Variants in FGF12 observed in about 807,000 individuals in gnomAD.
FGF12 encodes the protein fibroblast growth factor 12B.
A neutral mutation model predicts 23.6 loss-of-function variants in FGF12; 14 were observed. That is an observed-to-expected ratio of 0.59 (90% CI 0.39 to 0.93). The LOEUF (loss-of-function observed/expected upper bound fraction) is 0.93, where lower values mean the gene tolerates loss of function less well. FGF12 is among the 40% of genes least tolerant of loss of function. The pLI is 0.00. For missense variants in FGF12, 175 were observed against 217.8 expected (o/e 0.80, Z 1.24); for synonymous variants, 62 against 77.3 (o/e 0.80, Z 1.04).
At position 192,718,166 on chromosome 3, in the gene FGF12, T is replaced by C. The variant is rs868040045; in HGVS notation, c.13+9015A>G. Among the ~76,000 whole-genome samples, 507 of 145,676 alleles carry C rather than the reference T, an allele frequency of 3.5e-3. 2 individuals carry two copies. Among genetic ancestry groups the C allele is most frequent in the African/African-American group, 0.012 (491 of 39,496 alleles). ...TCATTATTCTGTTAGTCTTTCTTTT[T>C]TTTTTTTTTTTTTTTTTTTAGCAAG... is the stretch of plus-strand genomic sequence containing the variant. On this transcript the variant is annotated intron_variant, in intron 2 of 5. Transcript: ENST00000445105.
At position 192,644,603 on chromosome 3, in the gene FGF12, TATC is replaced by T. The variant is rs142730129; in HGVS notation, c.13+82575_13+82577del. On this transcript the variant is annotated intron_variant, in intron 2 of 5. Coordinates refer to ENST00000445105, the MANE Select transcript of FGF12 (RefSeq NM_004113.6). ...TATTAAAAATAATATGAATAAGAAT[TATC>T]ATTAAGTAAATACTTATTGTACGTC... Among the ~76,000 whole-genome samples, 213 of 152,328 alleles carry T rather than the reference TATC, an allele frequency of 1.4e-3. 1 individual carries two copies. The highest frequency in any genetic ancestry group is 2.6e-3 in the Non-Finnish European group (178 of 68,034).
intron 2 of FGF12, among the ~76,000 whole-genome samples, chr3:192,505,311 C>G (rs568679433): frequency 6.6e-6 from 1 of 152,160 alleles, no homozygotes; most frequent in Admixed American, 6.5e-5. Context: ...GCCTCATTCC[C>G]GCTGCTTCAG....
chr3:192,594,062 A>G (rs2654695), intron 2 of FGF12, among the ~76,000 whole-genome samples: 73,482 of 151,622 alleles, frequency 0.48, 18,609 homozygotes, highest in African/African-American at 0.57. Flanking sequence ...AAAATTTTCC[A>G]AAGAACGTAG....
At chr3:192,643,275 C>CCTGA (rs5855442) in intron 2 of FGF12, among the ~76,000 whole-genome samples, 81,416 of 151,558 alleles carry the variant, frequency 0.54, 22,239 homozygotes, top group East Asian at 0.67. Context: ...ACTAATTGAT[C>CCTGA]CTGACATGGA....
chr3:192,615,546 A>G (rs73056417), intron 2 of FGF12, among the ~76,000 whole-genome samples: 26 of 152,124 alleles, frequency 1.7e-4, no homozygotes, highest in African/African-American at 6.3e-4. Context: ...TAATGGACAA[A>G]CTAAACCACC....
intron 2 of FGF12, among the ~76,000 whole-genome samples, chr3:192,607,130 G>A (rs945125508): frequency 6.6e-6 from 1 of 152,120 alleles, no homozygotes; most frequent in African/African-American, 2.4e-5. Flanking sequence ...TTATTTAACA[G>A]CTACAACCAG....
At chr3:192,640,156 G>A (rs952589211) in intron 2 of FGF12, among the ~76,000 whole-genome samples, 3 of 152,150 alleles carry the variant, frequency 2.0e-5, no homozygotes, top group African/African-American at 7.2e-5. Flanking sequence ...GAGGACTACA[G>A]CTAATAAATG....
At chr3:192,647,533 G>A (rs530037860) in intron 2 of FGF12, among the ~76,000 whole-genome samples, 48 of 151,744 alleles carry the variant, frequency 3.2e-4, no homozygotes, top group African/African-American at 1.1e-3. Context: ...TATTCAGGAA[G>A]TATTAAAAAA....
intron 4 of FGF12, among the ~76,000 whole-genome samples, chr3:192,300,543 T>A (rs569868821): frequency 4.7e-4 from 71 of 152,260 alleles, no homozygotes; most frequent in Non-Finnish European, 9.1e-4. Flanking sequence ...CAGGTCTTTC[T>A]TGGGGGCGGT....
intron 5 of FGF12, among the ~76,000 whole-genome samples, chr3:192,158,701 C>CCTCCCTCCCTCTCTCTCTCTTT (rs1714695826): frequency 6.9e-6 from 1 of 144,978 alleles, no homozygotes; most frequent in African/African-American, 2.6e-5. Context: ...TCCTTCCTTC[C>CCTCCCTCCCTCTCTCTCTCTTT]CTCCTTCCTT....
chr3:192,335,164 C>A (rs936304522), intron 4 of FGF12, among the ~76,000 whole-genome samples, 197 bp downstream of exon 4: 1 of 152,154 alleles, frequency 6.6e-6, no homozygotes, highest in Non-Finnish European at 1.5e-5. Flanking sequence ...TGGAGAGTAA[C>A]TGCAATATAC....
chr3:192,634,871 C>A (rs1470327467), intron 2 of FGF12, among the ~76,000 whole-genome samples: 1 of 151,382 alleles, frequency 6.6e-6, no homozygotes, highest in Non-Finnish European at 1.5e-5. Context: ...AATTTTTTTT[C>A]TTTTTTGCAA....
chr3:192,255,600 C>A (rs1712333030), intron 4 of FGF12, among the ~76,000 whole-genome samples: 1 of 152,016 alleles, frequency 6.6e-6, no homozygotes, highest in Non-Finnish European at 1.5e-5. Context: ...CACATGTAAG[C>A]ACAACCTAAT....
chr3:192,208,834 G>A (rs1183092222), intron 4 of FGF12, among the ~76,000 whole-genome samples: 1 of 152,204 alleles, frequency 6.6e-6, no homozygotes, highest in East Asian at 1.9e-4. Context: ...GTTGCCACGT[G>A]AGAGGTATCT....
chr3:192,451,319 G>A (rs1186726357), intron 2 of FGF12, among the ~76,000 whole-genome samples: 3 of 152,162 alleles, frequency 2.0e-5, no homozygotes, highest in Middle Eastern at 3.2e-3. Flanking sequence ...GCCATTGTAA[G>A]TATCAAGAGA....
rs150155149 is a variant in FGF12 at position 192,561,520 on chromosome 3, G to A, written c.13+165661C>T. Among the ~76,000 whole-genome samples, 441 of 152,104 alleles carry A rather than the reference G, an allele frequency of 2.9e-3. 1 individual carries two copies. The highest frequency in any genetic ancestry group is 9.1e-3 in the African/African-American group (379 of 41,490). ...TGGGACTACAGGCACCCGCCACCAC[G>A]CCCAGCTAATTTTTTATATTTTTAG... On this transcript the variant is annotated intron_variant, in intron 2 of 5. Transcript: ENST00000445105.
In FGF12 at chr3:192,727,164, T is replaced by C. The variant is rs770811425; in HGVS notation, c.13+17A>G. The C allele has an allele frequency of 6.7e-5, 106 of 1,575,344 alleles. No homozygotes were observed. In the Middle Eastern group the frequency reaches 8.3e-4, roughly 12 times the overall value. ...GCACATGCAGCGGGAAGTCCCCCGATAGGGACAACCACATACCTTTGCTCT... is the reference window on the plus strand; with the variant it reads ...GCACATGCAGCGGGAAGTCCCCCGACAGGGACAACCACATACCTTTGCTCT... On this transcript the variant is annotated intron_variant, in intron 2 of 5. Coordinates refer to ENST00000445105, the MANE Select transcript of FGF12 (RefSeq NM_004113.6).
At chr3:192,342,306 T>C (rs1486253961) in intron 3 of FGF12, among the ~76,000 whole-genome samples, 2 of 152,184 alleles carry the variant, frequency 1.3e-5, no homozygotes, top group African/African-American at 2.4e-5. Flanking sequence ...GTATTACACA[T>C]AGACTAAAGG....
At position 192,409,804 on chromosome 3, in the gene FGF12, A is replaced by C. The variant is rs1340499982; in HGVS notation, c.14-49266T>G. On this transcript the variant is annotated intron_variant, in intron 2 of 5. Coordinates refer to ENST00000445105, the MANE Select transcript of FGF12 (RefSeq NM_004113.6). This position sits in a 1 kb window ranked among gnomAD's most constrained non-coding sequence, Gnocchi z 4.8. Reference sequence around the variant, plus strand: ...CCCGGGCGCTTGGGGCCGGAGGCGGAATCAGGGGCCGGGGCCAGGAGGCAG... The same window carrying C: ...CCCGGGCGCTTGGGGCCGGAGGCGGCATCAGGGGCCGGGGCCAGGAGGCAG... Among the ~76,000 whole-genome samples, 37 of 151,884 alleles carry C rather than the reference A, an allele frequency of 2.4e-4. No individual in the cohort carries two copies. The highest frequency in any genetic ancestry group is 1.5e-5 in the Non-Finnish European group (1 of 67,938).
Sources: gnomAD v4.1 joint callset for allele counts (sites outside exome capture counted in the v4.1 genomes callset) on GRCh38, gnomAD v4.1.1 for gene constraint, Gnocchi (gnomAD v3.1) non-coding constraint, MANE v1.5 for transcripts, NCBI Gene and HGNC (gene_info 2026-07-23, HGNC 2026-07-21) for gene names.